Variants in C6orf132 observed in about 807,000 individuals in gnomAD.
C6orf132 encodes the protein uncharacterized protein C6orf132.
A neutral mutation model predicts 65.3 loss-of-function variants in C6orf132; 43 were observed. The observed-to-expected ratio is 0.66, with a 90% CI of 0.52 to 0.85. The LOEUF (loss-of-function observed/expected upper bound fraction) is 0.85. Among genes scored for constraint, C6orf132 ranks in the 40% least tolerant of loss-of-function variants. The pLI, the probability that C6orf132 is intolerant of heterozygous loss-of-function variation, is 0.00. For missense variants in C6orf132, 1,488 were observed against 1,548.8 expected, an observed-to-expected ratio of 0.96 and a Z score of 0.66; for synonymous variants, 631 against 654.1, an observed-to-expected ratio of 0.96 and a Z score of 0.54.
chr6:42,111,831 A>AT (rs139855501), intron 2 of C6orf132, among the ~76,000 whole-genome samples: 1,683 of 150,108 alleles, frequency 0.011, 35 homozygotes, highest in African/African-American at 0.037. Context: ...TTTGCATTCT[A>AT]TTTTTTTTTT....
At chr6:42,115,989 G>T (rs188470868) in intron 2 of C6orf132, among the ~76,000 whole-genome samples, 1 of 145,336 alleles carries the variant, frequency 6.9e-6, no homozygotes, top group East Asian at 2.0e-4. Context: ...GAGTGCAGTG[G>T]CAAGATCTCG....
Position 42,107,279 on chromosome 6 carries a change from A to C in C6orf132, c.633T>G (p.Pro211=). The C allele has an allele frequency of 8.2e-6, 2 of 244,138 alleles. No homozygotes were observed. The highest frequency in any genetic ancestry group is 6.7e-5 in the African/African-American group (1 of 14,882). The allele number at this position is 244,138 out of a possible 1,614,324, so 15.1% of individuals were successfully genotyped here. A position where few individuals can be genotyped will look rare whatever the true frequency, so the allele number is the denominator to read the frequency against. Residue 211 remains proline (P), a synonymous_variant, in exon 4 of 5, where the codon CCT becomes CCG. Coordinates refer to ENST00000341865, the MANE Select transcript of C6orf132 (RefSeq NM_001164446.3). ...HTLSSPSIPT[P]PDFIPPAPPL... is the part of the protein sequence containing the mutation. ...GTGGGGCAGGGGGAATGAAGTCAGG[A>C]GGGGTGGGTATGGATGGGGAGGAAA...
chr6:42,136,636 G>A (rs1167680378), intron 1 of C6orf132, among the ~76,000 whole-genome samples: 1 of 152,204 alleles, frequency 6.6e-6, no homozygotes, highest in Non-Finnish European at 1.5e-5. Flanking sequence ...AGCGGGGGCG[G>A]CCCCATGTGA....
chr6:42,102,527 G>A lies in C6orf132; in HGVS notation c.*1234C>T, dbSNP rs114946987. The stretch of plus-strand genomic sequence containing the variant: ...GGTGTGAGCCACCATGCCCAGCCAG[G>A]TCTCCCCTGCTCTTAACTGGCCCAA... On this transcript the variant is annotated 3_prime_UTR_variant, in exon 5 of 5. Coordinates refer to ENST00000341865, the MANE Select transcript of C6orf132 (RefSeq NM_001164446.3). 0.11 allele frequency: 16,609 copies of A among 149,436 alleles called. 988 individuals carry two copies. The highest frequency in any genetic ancestry group is 0.14 in the Middle Eastern group (41 of 292). 9.3% of individuals were successfully genotyped at this position (149,436 alleles called of 1,614,324 possible). A position where few individuals can be genotyped will look rare whatever the true frequency, so the allele number is the denominator to read the frequency against.
intron 1 of C6orf132, among the ~76,000 whole-genome samples, chr6:42,139,666 A>G (rs1259072822): frequency 6.6e-6 from 1 of 152,126 alleles, no homozygotes; most frequent in Non-Finnish European, 1.5e-5. Flanking sequence ...CTTTCTTAAA[A>G]TATTATGAGG....
chr6:42,102,584 T>C lies in C6orf132; in HGVS notation c.*1177A>G, dbSNP rs1471728658. The C allele has an allele frequency of 6.6e-6, 1 of 150,608 alleles. No homozygotes were observed. Among genetic ancestry groups the C allele is most frequent in the Non-Finnish European group, 1.5e-5 (1 of 67,884 alleles). The allele number at this position is 150,608 out of a possible 1,614,324, so 9.3% of individuals were successfully genotyped here. A position where few individuals can be genotyped will look rare whatever the true frequency, so the allele number is the denominator to read the frequency against. ...CACTCTTTTTTTTTTTTTTTCCGTA[T>C]TTTTAGTAGAGATGGGGTTTCACCA... On this transcript the variant is annotated 3_prime_UTR_variant, in exon 5 of 5. Transcript: ENST00000341865.
In C6orf132 at chr6:42,104,676, T is replaced by TG; in HGVS notation, c.3235dup (p.His1079ProfsTer117). ...GCTCAGGCTGCGGCCGGTGCCACCG[T>TG]GGGGTAGCCCTGGGCCTCGGTGCGG... is the stretch of plus-strand genomic sequence containing the variant. On this transcript the variant is annotated frameshift_variant, in exon 4 of 5. Coordinates refer to ENST00000341865, the MANE Select transcript of C6orf132 (RefSeq NM_001164446.3). LOFTEE classifies it high-confidence loss of function. This position sits in a 1 kb window ranked among gnomAD's most constrained non-coding sequence, Gnocchi z 4.1. The TG allele has an allele frequency of 1.3e-6, 2 of 1,504,248 alleles. No homozygotes were observed. Among genetic ancestry groups the TG allele is most frequent in the Non-Finnish European group, 1.8e-6 (2 of 1,134,654 alleles). The allele number at this position is 1,504,248 out of a possible 1,614,324, so 93.2% of individuals were successfully genotyped here.
In C6orf132 at chr6:42,123,577, A is replaced by AAG. The variant is rs560012218; in HGVS notation, c.252+5093_252+5094dup. On this transcript the variant is annotated intron_variant, in intron 2 of 4. Transcript: ENST00000341865. ...GAGGAAGAGAAGAAGAAGAAGAAGA[A>AAG]AGAAGAAAGAAGAAGAAGAAAGAAG... Among the ~76,000 whole-genome samples, 18 of 149,850 alleles carry AAG rather than the reference A, an allele frequency of 1.2e-4. No individual in the cohort carries two copies. In the East Asian group the frequency reaches 3.4e-3, roughly 28 times the overall value.
chr6:42,110,403 G>T, intron 2 of C6orf132, 112 bp from the exon 3 acceptor site: 1 of 789,302 alleles, frequency 1.3e-6, no homozygotes, highest in South Asian at 1.9e-5. Context: ...GACGGTCATG[G>T]TTGCATAACC....
chr6:42,128,543 T>A, intron 2 of C6orf132, 129 bp downstream of exon 2: 1 of 681,104 alleles, frequency 1.5e-6, no homozygotes, highest in Non-Finnish European at 2.5e-6. Flanking sequence ...GTAGCCCCCC[T>A]TCCCGCCGGG....
chr6:42,125,418 C>T (rs140670924), intron 2 of C6orf132, among the ~76,000 whole-genome samples: 10 of 152,318 alleles, frequency 6.6e-5, no homozygotes, highest in East Asian at 1.9e-4. Flanking sequence ...GTGCCTGGCA[C>T]ACAGTGAGTG....
At chr6:42,118,296 G>A (rs1232478106) in intron 2 of C6orf132, among the ~76,000 whole-genome samples, 1 of 152,146 alleles carries the variant, frequency 6.6e-6, no homozygotes, top group Admixed American at 6.6e-5. Context: ...AGTTCTCAAA[G>A]TTCTTTTCCA....
Position 42,104,467 on chromosome 6 carries a change from C to G in C6orf132, c.3445G>C (p.Gly1149Arg), listed in dbSNP as rs1766351371. 3 of 1,230,852 alleles carry G rather than the reference C, an allele frequency of 2.4e-6. No homozygotes were observed. 76.2% of individuals were successfully genotyped at this position (1,230,852 alleles called of 1,614,324 possible). A position where few individuals can be genotyped will look rare whatever the true frequency, so the allele number is the denominator to read the frequency against. ...CCAGCCGGGCCCGCAGCTCACCTGC[C>G]GGCAGCTGGGGCGAAGCCGTAGTCG... ...SADYGFAPAAGRSPYTTTRYG... is the reference protein window; with the variant it reads ...SADYGFAPAARRSPYTTTRYG... Residue 1149 changes from glycine (G) to arginine (R), a missense_variant, in exon 4 of 5, where the codon GGC becomes CGC. Coordinates refer to ENST00000341865, the MANE Select transcript of C6orf132 (RefSeq NM_001164446.3). The surrounding 1 kb of genome is among the most constrained non-coding windows in gnomAD (Gnocchi z 4.1).
intron 2 of C6orf132, among the ~76,000 whole-genome samples, chr6:42,113,454 A>G (rs1225504324): frequency 6.6e-6 from 1 of 152,234 alleles, no homozygotes; most frequent in African/African-American, 2.4e-5. Context: ...TCACAGAGCC[A>G]GGGTGCAAAC....
intron 2 of C6orf132, among the ~76,000 whole-genome samples, chr6:42,111,123 AT>A (rs372575485): frequency 0.012 from 1,865 of 149,888 alleles, 43 homozygotes; most frequent in African/African-American, 0.042. Context: ...ATGAACTTGA[AT>A]TTTTTTTTGT....
Position 42,107,289 on chromosome 6 carries a change from A to G in C6orf132, c.623T>C (p.Ile208Thr). ...GGGAATGAAGTCAGGAGGGGTGGGT[A>G]TGGATGGGGAGGAAAGAGTGTGTGG... ...SPPHTLSSPS[I>T]PTPPDFIPPA... is the part of the protein sequence containing the mutation. Residue 208 changes from isoleucine to threonine, a missense_variant, in exon 4 of 5, where the codon ATA (isoleucine) becomes ACA (threonine). By Grantham distance (89) the Ile-to-Thr change is moderately conservative. Transcript: ENST00000341865. 1.0e-6 allele frequency: 1 copy of G among 967,008 alleles called. No individual in the cohort carries two copies. The highest frequency in any genetic ancestry group is 1.3e-6 in the Non-Finnish European group (1 of 760,196). 59.9% of individuals were successfully genotyped at this position (967,008 alleles called of 1,614,324 possible). A position where few individuals can be genotyped will look rare whatever the true frequency, so the allele number is the denominator to read the frequency against.
At chr6:42,139,152 T>C (rs1462178241) in intron 1 of C6orf132, among the ~76,000 whole-genome samples, 5 of 152,178 alleles carry the variant, frequency 3.3e-5, no homozygotes, top group Non-Finnish European at 7.3e-5. Context: ...TTGATTTTCC[T>C]CCCTTCCATT....
intron 2 of C6orf132, among the ~76,000 whole-genome samples, chr6:42,127,385 T>TA (rs1766784352): frequency 1.3e-5 from 2 of 152,070 alleles, no homozygotes; most frequent in East Asian, 3.8e-4. Context: ...AGAGAGGACT[T>TA]AGAGATGCAC....
At chr6:42,113,784 C>G (rs1766525624) in intron 2 of C6orf132, among the ~76,000 whole-genome samples, 2 of 151,866 alleles carry the variant, frequency 1.3e-5, no homozygotes, top group South Asian at 2.1e-4. Flanking sequence ...CCACTGCACT[C>G]CAGCCTGGGC....
Sources: allele counts gnomAD v4.1 joint callset (sites outside exome capture counted in the v4.1 genomes callset), GRCh38; gene constraint gnomAD v4.1.1; non-coding constraint Gnocchi (gnomAD v3.1); transcripts MANE v1.5; gene names NCBI Gene and HGNC (gene_info 2026-07-23, HGNC 2026-07-21).